Variants in TBL1XR1 observed in about 807,000 individuals in gnomAD.
The protein encoded by TBL1XR1 is F-box-like/WD repeat-containing protein TBL1XR1.
Under a neutral mutation model 66.9 loss-of-function variants are expected in TBL1XR1, and 5 were observed. The observed-to-expected ratio is 0.07, with a 90% CI of 0.04 to 0.16. TBL1XR1 has a LOEUF of 0.16. Ranked by LOEUF, TBL1XR1 falls within the 10% of genes least tolerant of loss-of-function variation. The pLI, the probability that TBL1XR1 is intolerant of heterozygous loss-of-function variation, is 1.00. For missense variants in TBL1XR1, 238 were observed against 623.2 expected (o/e 0.38, Z 6.58); for synonymous variants, 210 against 206.0 (o/e 1.02, Z -0.17).
chr3:177,057,242 G>C (rs1717919318), intron 3 of TBL1XR1, among the ~76,000 whole-genome samples: 1 of 152,112 alleles, frequency 6.6e-6, no homozygotes, highest in Admixed American at 6.6e-5. Flanking sequence ...TCTGAATGGA[G>C]GTGAAATCCT....
intron 1 of TBL1XR1, among the ~76,000 whole-genome samples, chr3:177,168,338 G>C (rs1440428492): frequency 6.6e-6 from 1 of 150,838 alleles, no homozygotes; most frequent in Admixed American, 6.6e-5. Flanking sequence ...TTGGAGTGCA[G>C]TGGTGCAATC....
In TBL1XR1 at chr3:177,023,863, T is replaced by C. The variant is rs1467923162; in HGVS notation, c.*1635A>G. 1 of 152,116 alleles carries C rather than the reference T, an allele frequency of 6.6e-6. No individual in the cohort carries two copies. Among genetic ancestry groups the C allele is most frequent in the Non-Finnish European group, 1.5e-5 (1 of 67,918 alleles). 9.4% of individuals were successfully genotyped at this position (152,116 alleles called of 1,614,324 possible). On this transcript the variant is annotated 3_prime_UTR_variant, in exon 16 of 16. Coordinates refer to ENST00000457928, the MANE Select transcript of TBL1XR1 (RefSeq NM_024665.7). ...ATTTGCTAAGCTCAACAATAAGCAATTCCTTAATTAAAATCTTCGAGATAT... is the reference window on the plus strand; with the variant it reads ...ATTTGCTAAGCTCAACAATAAGCAACTCCTTAATTAAAATCTTCGAGATAT...
chr3:177,044,151 C>A (rs906304467), intron 10 of TBL1XR1, among the ~76,000 whole-genome samples: 1 of 152,196 alleles, frequency 6.6e-6, no homozygotes, highest in Non-Finnish European at 1.5e-5. Context: ...TTTATCCTAA[C>A]CAGTGCACTT....
At chr3:177,074,613 A>G (rs1020453568) in intron 2 of TBL1XR1, among the ~76,000 whole-genome samples, 1 of 152,130 alleles carries the variant, frequency 6.6e-6, no homozygotes, top group African/African-American at 2.4e-5. Flanking sequence ...GCATTCTAAC[A>G]TCAACGGAGC....
At chr3:177,180,193 T>C (rs1178748246) in intron 1 of TBL1XR1, among the ~76,000 whole-genome samples, 6 of 139,942 alleles carry the variant, frequency 4.3e-5, no homozygotes, top group Non-Finnish European at 6.0e-5. Context: ...GCTGAGATCG[T>C]GTCACTGCAC....
At chr3:177,051,858 T>C (rs539122852) in intron 4 of TBL1XR1, 132 bp from the exon 5 acceptor site, 5 of 1,152,452 alleles carry the variant, frequency 4.3e-6, no homozygotes, top group Admixed American at 3.2e-5. Flanking sequence ...TCTGAATTCA[T>C]ATAAGAAGTC....
At chr3:177,173,471 T>C (rs1046063491) in intron 1 of TBL1XR1, among the ~76,000 whole-genome samples, 2 of 152,176 alleles carry the variant, frequency 1.3e-5, no homozygotes, top group Admixed American at 6.5e-5. Context: ...TTTGATATGA[T>C]GTGATGAGAC....
chr3:177,138,113 C>A (rs1375774833), intron 1 of TBL1XR1, among the ~76,000 whole-genome samples: 2 of 152,116 alleles, frequency 1.3e-5, no homozygotes, highest in East Asian at 3.8e-4. Context: ...CTTTTCAAGG[C>A]CACACTAGAG....
At chr3:177,142,944 A>G (rs1729796392) in intron 1 of TBL1XR1, among the ~76,000 whole-genome samples, 1 of 152,082 alleles carries the variant, frequency 6.6e-6, no homozygotes, top group African/African-American at 2.4e-5. Flanking sequence ...GCCTTGTTTC[A>G]GCCATCATAT....
At position 177,116,978 on chromosome 3, in the gene TBL1XR1, G is replaced by C. The variant is rs559387353; in HGVS notation, c.-121-18437C>G. On this transcript the variant is annotated intron_variant, in intron 1 of 15. Coordinates refer to ENST00000457928, the MANE Select transcript of TBL1XR1 (RefSeq NM_024665.7). ...CAGAATGCTTTATTTTCTGTGCTTA[G>C]GAACATTATGCAGTTTATCTTATAA... Among the ~76,000 whole-genome samples the C allele has an allele frequency of 5.5e-4, 84 of 152,244 alleles. No homozygotes were observed. The South Asian group carries it at 7.5e-3, about 14-fold the overall frequency.
intron 10 of TBL1XR1, among the ~76,000 whole-genome samples, chr3:177,044,594 A>G (rs1188014879): frequency 2.0e-5 from 3 of 152,192 alleles, no homozygotes; most frequent in Non-Finnish European, 4.4e-5. Context: ...AATAGTTTCA[A>G]TGGTGTATAC....
intron 1 of TBL1XR1, among the ~76,000 whole-genome samples, chr3:177,125,424 A>T (rs184878302): frequency 5.9e-5 from 9 of 152,310 alleles, no homozygotes; most frequent in Non-Finnish European, 1.2e-4. Flanking sequence ...TGAGAAACTG[A>T]AACCCTCATT....
chr3:177,125,832 T>C (rs1560203749), intron 1 of TBL1XR1, among the ~76,000 whole-genome samples: 3 of 152,308 alleles, frequency 2.0e-5, no homozygotes, highest in South Asian at 4.1e-4. Context: ...AGATTTTATA[T>C]TTCAAATAGT....
rs1227693340 is a variant in TBL1XR1, at chr3:177,025,209, A to G, written c.*289T>C. On this transcript the variant is annotated 3_prime_UTR_variant, in exon 16 of 16. Transcript: ENST00000457928. ...CATGTATGTTCTGCTTTTATAATGTATATTTTTCTCTCTTCTGTTTTTCAT... is the reference window on the plus strand; with the variant it reads ...CATGTATGTTCTGCTTTTATAATGTGTATTTTTCTCTCTTCTGTTTTTCAT... 5.3e-5 allele frequency: 20 copies of G among 378,748 alleles called. No homozygotes were observed. The highest frequency in any genetic ancestry group is 1.7e-4 in the East Asian group (4 of 24,068). The allele number at this position is 378,748 out of a possible 1,614,324, so 23.5% of individuals were successfully genotyped here.
At chr3:177,170,151 T>C (rs980475446) in intron 1 of TBL1XR1, among the ~76,000 whole-genome samples, 8 of 152,140 alleles carry the variant, frequency 5.3e-5, no homozygotes, top group African/African-American at 1.9e-4. Context: ...TCCAAGGTGC[T>C]GCCAGGGTTA....
chr3:177,140,226 G>A (rs150640813), intron 1 of TBL1XR1, among the ~76,000 whole-genome samples: 63 of 152,142 alleles, frequency 4.1e-4, no homozygotes, highest in African/African-American at 1.4e-3. Context: ...GCTTGAACCC[G>A]GAGGCGGAAG....
chr3:177,061,910 C>CA (rs1312352523), intron 3 of TBL1XR1, among the ~76,000 whole-genome samples: 2 of 151,568 alleles, frequency 1.3e-5, no homozygotes, highest in South Asian at 2.1e-4. Flanking sequence ...AGATCAGAAC[C>CA]AAAAAAAAGC....
intron 1 of TBL1XR1, among the ~76,000 whole-genome samples, chr3:177,149,093 C>T (rs1730586770): frequency 6.6e-6 from 1 of 152,144 alleles, no homozygotes; most frequent in Admixed American, 6.5e-5. Context: ...CCATTTCTTG[C>T]TCAGTCCCAA....
intron 1 of TBL1XR1, among the ~76,000 whole-genome samples, chr3:177,135,631 C>T (rs1728908677): frequency 1.3e-5 from 2 of 151,448 alleles, no homozygotes; most frequent in Admixed American, 1.3e-4. Context: ...ATCCGCCCGC[C>T]TCGGCCTCCC....
Sources: allele counts gnomAD v4.1 joint callset (sites outside exome capture counted in the v4.1 genomes callset), GRCh38; gene constraint gnomAD v4.1.1; transcripts MANE v1.5; gene names NCBI Gene and HGNC (gene_info 2026-07-23, HGNC 2026-07-21).